Variants in GTF2IRD1 observed in about 807,000 individuals in gnomAD.
The protein encoded by GTF2IRD1 is GTF2I repeat domain containing 1.
A neutral mutation model predicts 113.2 loss-of-function variants in GTF2IRD1; 26 were observed. The observed-to-expected ratio is 0.23, with a 90% confidence interval of 0.17 to 0.32. The LOEUF is 0.32. GTF2IRD1 is among the 10% of genes least tolerant of loss of function. The pLI is 1.00. For synonymous variants in GTF2IRD1, 484 were observed against 529.1 expected (o/e 0.91, Z 1.17); for missense variants, 864 against 1,280.8 (o/e 0.67, Z 4.97).
chr7:74,478,356 C>A (rs1156713587), intron 1 of GTF2IRD1, among the ~76,000 whole-genome samples: 3 of 152,176 alleles, frequency 2.0e-5, no homozygotes, highest in African/African-American at 7.2e-5. Context: ...AGCGCCAGGC[C>A]CTGTTCACAC....
intron 22 of GTF2IRD1, among the ~76,000 whole-genome samples, chr7:74,579,955 T>A (rs1416586115): frequency 3.3e-5 from 5 of 152,080 alleles, no homozygotes; most frequent in Admixed American, 1.3e-4. Context: ...AGTGTCCAGG[T>A]GCAGGTCTGG....
Position 74,572,221 on chromosome 7 carries a change from G to A in GTF2IRD1, c.2320+12566G>A, listed in dbSNP as rs926029511. ...CAGAGGGTACTGGGGTGGACATGGG[G>A]AGGGACTGAAGAGCGGCAGGCACAG... On this transcript the variant is annotated intron_variant, in intron 22 of 26. Coordinates refer to ENST00000424337, the MANE Select transcript of GTF2IRD1 (RefSeq NM_005685.4). Among the ~76,000 whole-genome samples, 4 of 152,192 alleles carry A rather than the reference G, an allele frequency of 2.6e-5. No homozygotes were observed. The South Asian group carries it at 8.3e-4, about 31-fold the overall frequency.
intron 1 of GTF2IRD1, among the ~76,000 whole-genome samples, chr7:74,465,021 A>G (rs544890070): frequency 2.0e-5 from 3 of 152,336 alleles, no homozygotes; most frequent in African/African-American, 7.2e-5. Flanking sequence ...ACCTGGCTCC[A>G]GGGTGGTCCT....
chr7:74,479,998 C>T (rs1193552488), intron 1 of GTF2IRD1, among the ~76,000 whole-genome samples: 4 of 152,148 alleles, frequency 2.6e-5, no homozygotes, highest in African/African-American at 9.6e-5. Flanking sequence ...CTGCCCGCCT[C>T]GGCCTCCCTA....
intron 1 of GTF2IRD1, among the ~76,000 whole-genome samples, chr7:74,478,245 A>C (rs1554333907): frequency 6.6e-6 from 1 of 152,106 alleles, no homozygotes; most frequent in East Asian, 1.9e-4. Context: ...ACGGGACCTG[A>C]TGTCAGGGGT....
intron 2 of GTF2IRD1, among the ~76,000 whole-genome samples, chr7:74,510,234 T>G (rs11973261): frequency 0.1 from 15,445 of 151,610 alleles, 1,943 homozygotes; most frequent in East Asian, 0.39. Flanking sequence ...GAGCTTGGCA[T>G]TGATGGAGGT....
intron 22 of GTF2IRD1, among the ~76,000 whole-genome samples, chr7:74,560,922 C>T (rs1799918137): frequency 6.6e-6 from 1 of 152,150 alleles, no homozygotes; most frequent in South Asian, 2.1e-4. Context: ...CTGTCTCCAC[C>T]ATGGACTGTG....
rs149257943 is a variant in GTF2IRD1, at chr7:74,537,083, C to G, written c.1409+808C>G. Among the ~76,000 whole-genome samples the G allele has an allele frequency of 3.0e-3, 452 of 152,222 alleles. 6 individuals are homozygous for G. The highest frequency in any genetic ancestry group is 8.9e-3 in the African/African-American group (369 of 41,524). ...CTATGATCGCACCACTGCACTCCAG[C>G]CTGGGCAACAGAGTAAAGACCTTGT... is the stretch of plus-strand genomic sequence containing the variant. On this transcript the variant is annotated intron_variant, in intron 11 of 26. Transcript: ENST00000424337.
At chr7:74,519,387 A>C in intron 5 of GTF2IRD1, 22 bp from the exon 6 acceptor site, 1 of 1,488,962 alleles carries the variant, frequency 6.7e-7, no homozygotes, top group Non-Finnish European at 9.0e-7. Flanking sequence ...AAAGCTGTCC[A>C]TGTGTCCTCT....
rs1554349898 is a variant in GTF2IRD1 at position 74,535,098 on chromosome 7, C to T, written c.1275-15C>T. ...GCCTGCACTGTTCTCATGCCTGTCT[C>T]TCTTCTCTCCCCAGGATGTTTGATG... is the stretch of plus-strand genomic sequence containing the variant. On this transcript the variant is annotated splice_polypyrimidine_tract_variant and intron_variant, in intron 9 of 26. Coordinates refer to ENST00000424337, the MANE Select transcript of GTF2IRD1 (RefSeq NM_005685.4). 3 of 1,611,574 alleles carry T rather than the reference C, an allele frequency of 1.9e-6. No homozygotes were observed. The highest frequency in any genetic ancestry group is 2.5e-6 in the Non-Finnish European group (3 of 1,177,708).
chr7:74,457,752 C>T (rs77754466), intron 1 of GTF2IRD1, among the ~76,000 whole-genome samples: 3,355 of 152,250 alleles, frequency 0.022, 121 homozygotes, highest in African/African-American at 0.076. Context: ...GGGGTGTATG[C>T]CCAGCTCCAT....
chr7:74,539,272 C>A (rs1251555762), intron 13 of GTF2IRD1, among the ~76,000 whole-genome samples: 1 of 152,036 alleles, frequency 6.6e-6, no homozygotes, highest in Non-Finnish European at 1.5e-5. Context: ...ATAGCAACAC[C>A]CACATCTCCA....
At chr7:74,483,408 A>G (rs1213380264) in intron 1 of GTF2IRD1, among the ~76,000 whole-genome samples, 1 of 151,918 alleles carries the variant, frequency 6.6e-6, no homozygotes, top group Admixed American at 6.6e-5. Context: ...TTAGCTGGGC[A>G]TGGTGGCATG....
At chr7:74,557,086 CA>C (rs1312952571) in intron 19 of GTF2IRD1, among the ~76,000 whole-genome samples, 1 of 151,718 alleles carries the variant, frequency 6.6e-6, no homozygotes, top group Non-Finnish European at 1.5e-5. Context: ...ACCAAAAACA[CA>C]AAAAAGAAAT....
chr7:74,601,269 C>T (rs1802753456), intron 26 of GTF2IRD1, 89 bp downstream of exon 26: 6 of 1,550,304 alleles, frequency 3.9e-6, no homozygotes, highest in Non-Finnish European at 5.2e-6. Flanking sequence ...GGATGTGGGC[C>T]CAGGGGACGG....
Position 74,560,581 on chromosome 7 carries a change from TAGAGAG to T in GTF2IRD1, c.2320+936_2320+941del, listed in dbSNP as rs1302876701. On this transcript the variant is annotated intron_variant, in intron 22 of 26. Transcript: ENST00000424337. The stretch of plus-strand genomic sequence containing the variant: ...TATATATATAATAAAAAATATTATA[TAGAGAG>T]AGAGAGAGACAGAGACAGACCAAGT... Among the ~76,000 whole-genome samples the T allele has an allele frequency of 4.7e-5, 7 of 147,524 alleles. No individual in the cohort carries two copies. In the South Asian group the frequency reaches 1.1e-3, roughly 22 times the overall value.
chr7:74,545,765 G>T lies in GTF2IRD1; in HGVS notation c.1688G>T (p.Arg563Leu). 6.2e-7 allele frequency: 1 copy of T among 1,612,982 alleles called. No individual in the cohort carries two copies. Among genetic ancestry groups the T allele is most frequent in the Non-Finnish European group, 8.5e-7 (1 of 1,179,796 alleles). ...PVEDSHGDVI[R>L]PLRKQVELLF... ...CCAGACAGCCACGGTGACGTGATCC[G>T]GCCCCTGCGGAAGCAGGTGGAGCTG... The change falls in exon 16 of 27, where the codon CGG becomes CTG. Residue 563 changes from arginine to leucine, a missense_variant. Arg to Leu is a moderately radical substitution (Grantham distance 102). Transcript: ENST00000424337.
chr7:74,539,549 GC>G (rs1798504196), intron 13 of GTF2IRD1, among the ~76,000 whole-genome samples: 1 of 152,100 alleles, frequency 6.6e-6, no homozygotes, highest in Non-Finnish European at 1.5e-5. Context: ...TTAGAGACCA[GC>G]CTGGCCAACA....
chr7:74,581,415 A>G (rs1801413560), intron 22 of GTF2IRD1, among the ~76,000 whole-genome samples: 1 of 152,208 alleles, frequency 6.6e-6, no homozygotes, highest in Non-Finnish European at 1.5e-5. Context: ...AACCCAGGCA[A>G]TCAGTCTTGG....
Sources: gnomAD v4.1 joint callset for allele counts (sites outside exome capture counted in the v4.1 genomes callset) on GRCh38, gnomAD v4.1.1 for gene constraint, MANE v1.5 for transcripts, NCBI Gene and HGNC (gene_info 2026-07-23, HGNC 2026-07-21) for gene names.